The following EVI5 variants were observed in gnomAD, a reference collection of about 807,000 sequenced individuals.
EVI5 encodes ecotropic viral integration site 5 protein homolog.
EVI5 carries 73 observed loss-of-function variants against 112.0 expected under a neutral mutation model. The observed-to-expected ratio is 0.65, with a 90% confidence interval of 0.54 to 0.79. The LOEUF (loss-of-function observed/expected upper bound fraction) is 0.79, where lower values mean the gene tolerates loss of function less well. EVI5 is among the 30% of genes least tolerant of loss of function. The pLI, the probability that EVI5 is intolerant of heterozygous loss-of-function variation, is 0.00. For missense variants in EVI5, 900 were observed against 968.8 expected, an observed-to-expected ratio of 0.93 and a Z score of 0.94; for synonymous variants, 305 against 319.9, an observed-to-expected ratio of 0.95 and a Z score of 0.50.
intron 5 of EVI5, among the ~76,000 whole-genome samples, chr1:92,699,571 G>A (rs540744862): frequency 6.6e-5 from 10 of 152,080 alleles, no homozygotes; most frequent in Non-Finnish European, 1.2e-4. Context: ...GTCCTCAGGC[G>A]ATTTAATCAT....
intron 1 of EVI5, among the ~76,000 whole-genome samples, chr1:92,758,508 T>G (rs1239615688): frequency 6.7e-6 from 1 of 149,038 alleles, no homozygotes; most frequent in Non-Finnish European, 1.5e-5. Context: ...GGTCAGAGGC[T>G]GCAGTGAGCC....
chr1:92,524,728 G>C (rs1661553040), intron 19 of EVI5, among the ~76,000 whole-genome samples: 1 of 151,896 alleles, frequency 6.6e-6, no homozygotes, highest in South Asian at 2.1e-4. Context: ...TTATTCCAAG[G>C]ATCAGCTTCA....
chr1:92,605,778 A>G (rs1299369098), intron 17 of EVI5, among the ~76,000 whole-genome samples: 1 of 152,224 alleles, frequency 6.6e-6, no homozygotes. Context: ...GAGGGAAAAT[A>G]ACATTAATAT....
At chr1:92,678,894 A>G (rs1266986696) in intron 9 of EVI5, among the ~76,000 whole-genome samples, 1 of 152,222 alleles carries the variant, frequency 6.6e-6, no homozygotes, top group African/African-American at 2.4e-5. Flanking sequence ...GGGGTTTAGA[A>G]AGCTTGAGAA....
intron 9 of EVI5, among the ~76,000 whole-genome samples, chr1:92,684,495 T>C (rs1668162670): frequency 6.6e-6 from 1 of 152,142 alleles, no homozygotes; most frequent in Admixed American, 6.5e-5. Flanking sequence ...CTGAATCAAT[T>C]AATGGGCAAA....
chr1:92,701,951 G>T, intron 5 of EVI5, among the ~76,000 whole-genome samples, 190 bp downstream of exon 5: 1 of 6,164 alleles, frequency 1.6e-4, no homozygotes, highest in Non-Finnish European at 3.0e-4. Flanking sequence ...TCATTTGGTG[G>T]TAAGATATTA....
chr1:92,778,751 T>G (rs1445243640), intron 1 of EVI5, among the ~76,000 whole-genome samples: 1 of 152,226 alleles, frequency 6.6e-6, no homozygotes. Context: ...GAAATCAGAA[T>G]AGTGGTCACC....
rs543126296 is a variant in EVI5 at position 92,617,110 on chromosome 1, G to A, written c.1827+7066C>T. On this transcript the variant is annotated intron_variant, in intron 16 of 19. Transcript: ENST00000684568. ...GCCTGGTTCACAGATGGTTCTGCAC[G>A]ATATGCAGGCACCACCTGAAAGTGG... is the stretch of plus-strand genomic sequence containing the variant. 4.6e-5 allele frequency among the ~76,000 whole-genome samples: 7 copies of A among 152,306 alleles called. No homozygotes were observed. The South Asian group carries it at 6.2e-4, about 14-fold the overall frequency.
chr1:92,544,438 G>A (rs1665339036), intron 19 of EVI5, among the ~76,000 whole-genome samples: 2 of 152,048 alleles, frequency 1.3e-5, no homozygotes, highest in African/African-American at 4.8e-5. Flanking sequence ...TTTCTAATTA[G>A]AAAATGTAGA....
At chr1:92,705,333 A>G (rs962354620) in intron 2 of EVI5, among the ~76,000 whole-genome samples, 5 of 152,234 alleles carry the variant, frequency 3.3e-5, no homozygotes, top group African/African-American at 1.2e-4. Flanking sequence ...GCTTATATGC[A>G]TTTATACTTT....
upstream of EVI5, among the ~76,000 whole-genome samples, chr1:92,788,176 A>G (rs1043716516): frequency 1.3e-5 from 2 of 152,112 alleles, no homozygotes; most frequent in African/African-American, 4.8e-5. Context: ...CTTAAAAACT[A>G]TAAAAAATAG....
At chr1:92,568,372 TTAAA>T (rs1557806582) in intron 18 of EVI5, among the ~76,000 whole-genome samples, 1 of 16,262 alleles carries the variant, frequency 6.1e-5, no homozygotes. Flanking sequence ...AAAACCTATC[TTAAA>T]AAAAAAAAAA....
chr1:92,632,197 A>C (rs1657316639), intron 14 of EVI5, among the ~76,000 whole-genome samples: 2 of 152,204 alleles, frequency 1.3e-5, no homozygotes, highest in African/African-American at 2.4e-5. Flanking sequence ...TGGCCTCATA[A>C]AATGAGTTAG....
intron 2 of EVI5, among the ~76,000 whole-genome samples, chr1:92,716,331 C>G (rs1673682384): frequency 6.6e-6 from 1 of 152,166 alleles, no homozygotes; most frequent in African/African-American, 2.4e-5. Flanking sequence ...CAAACAGGGT[C>G]TGGAGTGGAC....
intron 14 of EVI5, among the ~76,000 whole-genome samples, chr1:92,627,215 T>C (rs1363735852): frequency 2.0e-5 from 3 of 152,182 alleles, no homozygotes; most frequent in Admixed American, 6.5e-5. Flanking sequence ...TCTTATGCCT[T>C]TGCATCCTCC....
intron 16 of EVI5, among the ~76,000 whole-genome samples, chr1:92,609,764 C>A (rs1651316575): frequency 6.6e-6 from 1 of 152,134 alleles, no homozygotes; most frequent in Non-Finnish European, 1.5e-5. Context: ...AAATGTAGAT[C>A]ATCTAATAGA....
At chr1:92,595,357 T>C (rs1299776336) in intron 18 of EVI5, among the ~76,000 whole-genome samples, 8 of 151,390 alleles carry the variant, frequency 5.3e-5, no homozygotes, top group African/African-American at 1.5e-4. Flanking sequence ...TAGGTGGGAA[T>C]TGAACAATGA....
rs547028262 is a variant in EVI5, at chr1:92,575,843, C to A, written c.2071-12106G>T. 1.7e-3 allele frequency among the ~76,000 whole-genome samples: 265 copies of A among 152,042 alleles called. 1 individual carries two copies. Among genetic ancestry groups the A allele is most frequent in the African/African-American group, 5.8e-3 (242 of 41,464 alleles). The stretch of plus-strand genomic sequence containing the variant: ...CCTCCCAAAGTGCTGGGATTACAGG[C>A]ATAATCCCAGCCACCTTGCCTGACC... On this transcript the variant is annotated intron_variant, in intron 18 of 19. Transcript: ENST00000684568.
At chr1:92,685,694 C>T (rs1010662627) in intron 9 of EVI5, among the ~76,000 whole-genome samples, 8 of 151,870 alleles carry the variant, frequency 5.3e-5, no homozygotes, top group Admixed American at 3.3e-4. Context: ...CAAATAGATG[C>T]AATAAAAAAT....
Sources: allele counts gnomAD v4.1 joint callset (sites outside exome capture counted in the v4.1 genomes callset), GRCh38; gene constraint gnomAD v4.1.1; transcripts MANE v1.5; gene names NCBI Gene and HGNC (gene_info 2026-07-23, HGNC 2026-07-21).